WDR17: variants seen among roughly 807,000 people sequenced by gnomAD.
The protein encoded by WDR17 is WD repeat domain 17, also known as WD repeat-containing protein 17.
In WDR17, 143 loss-of-function variants were observed where a neutral mutation model predicts 161.7. That is an observed-to-expected ratio of 0.88 (90% CI 0.77 to 1.02). WDR17 has a LOEUF of 1.02. Ranked by LOEUF, WDR17 falls within the 50% of genes least tolerant of loss-of-function variation. WDR17 has a pLI of 0.00. For synonymous variants in WDR17, 517 were observed against 515.6 expected, an observed-to-expected ratio of 1.00 and a Z score of -0.04; for missense variants, 1,469 against 1,520.9, an observed-to-expected ratio of 0.97 and a Z score of 0.57.
Position 176,122,658 on chromosome 4 carries a change from T to C in WDR17, c.539-2446T>C, listed in dbSNP as rs139583696. Reference sequence around the variant, plus strand: ...TACTTTTCATGAGTTGTTAACCTTATCTTCTTGATGACTTACTGGCACCAC... The same window carrying C: ...TACTTTTCATGAGTTGTTAACCTTACCTTCTTGATGACTTACTGGCACCAC... On this transcript the variant is annotated intron_variant, in intron 4 of 28. Coordinates refer to ENST00000508596, the MANE Select transcript of WDR17 (RefSeq NM_181265.4). 4.1e-4 allele frequency among the ~76,000 whole-genome samples: 63 copies of C among 152,312 alleles called. No homozygotes were observed. In the East Asian group the frequency reaches 9.1e-3, roughly 22 times the overall value.
intron 27 of WDR17, 68 bp downstream of exon 27, chr4:176,177,224 G>A (rs1212873316): frequency 3.8e-5 from 51 of 1,355,630 alleles, no homozygotes; most frequent in Non-Finnish European, 4.2e-6. Context: ...CTTGTTGGAA[G>A]TATGTGTGGT....
intron 1 of WDR17, among the ~76,000 whole-genome samples, chr4:176,093,063 A>C (rs574469658): frequency 6.6e-6 from 1 of 152,120 alleles, no homozygotes; most frequent in South Asian, 2.1e-4. Context: ...GAAAGAAAAG[A>C]AAAGAAATCA....
intron 22 of WDR17, among the ~76,000 whole-genome samples, chr4:176,166,976 G>T (rs1471682529): frequency 6.6e-6 from 1 of 152,044 alleles, no homozygotes; most frequent in Non-Finnish European, 1.5e-5. Flanking sequence ...AATATTTTAT[G>T]TAAAAAACTT....
rs1413480915 is a variant in WDR17 at position 176,110,151 on chromosome 4, A to AT, written c.-6-1416dup. Among the ~76,000 whole-genome samples, 15 of 151,418 alleles carry AT rather than the reference A, an allele frequency of 9.9e-5. No individual in the cohort carries two copies. In the South Asian group the frequency reaches 1.3e-3, roughly 13 times the overall value. On this transcript the variant is annotated intron_variant, in intron 1 of 28. Transcript: ENST00000508596. ...CTTTATTTTTTATTTATTTATTTTT[A>AT]TTTTTTTTGAGACAGAGTCTCGCTC...
chr4:176,166,254 C>T (rs1312081079), intron 22 of WDR17: 1 of 348,590 alleles, frequency 2.9e-6, no homozygotes, highest in Admixed American at 5.3e-5. Flanking sequence ...ACTATTTTCA[C>T]ATTATTTTAT....
chr4:176,138,191 A>C (rs1254915904), intron 9 of WDR17, among the ~76,000 whole-genome samples: 1 of 151,716 alleles, frequency 6.6e-6, no homozygotes, highest in Non-Finnish European at 1.5e-5. Flanking sequence ...TGAGTACAAA[A>C]TATTAGGTAT....
At chr4:176,070,121 T>C (rs1437420949) in intron 1 of WDR17, among the ~76,000 whole-genome samples, 1 of 152,220 alleles carries the variant, frequency 6.6e-6, no homozygotes, top group Admixed American at 6.5e-5. Context: ...AGCTGGCTTA[T>C]GTTCTACTTC....
intron 25 of WDR17, 62 bp from the exon 26 acceptor site, chr4:176,174,555 T>A: frequency 7.6e-6 from 9 of 1,185,814 alleles, no homozygotes; most frequent in Non-Finnish European, 9.7e-6. Flanking sequence ...GAACTGTGTA[T>A]CAGAGTAATG....
chr4:176,073,465 T>C (rs1169036986), intron 1 of WDR17, among the ~76,000 whole-genome samples: 2 of 151,572 alleles, frequency 1.3e-5, no homozygotes, highest in Non-Finnish European at 3.0e-5. Flanking sequence ...TAGTATTTCA[T>C]GGTGTATATG....
At chr4:176,169,551 C>T (rs1198199463) in intron 23 of WDR17, among the ~76,000 whole-genome samples, 1 of 152,066 alleles carries the variant, frequency 6.6e-6, no homozygotes, top group Non-Finnish European at 1.5e-5. Flanking sequence ...TAGGAAGATA[C>T]AGTTTCTTTT....
chr4:176,104,363 A>G (rs10024191), intron 1 of WDR17, among the ~76,000 whole-genome samples: 4,586 of 152,222 alleles, frequency 0.03, 190 homozygotes, highest in African/African-American at 0.096. Flanking sequence ...ATGGACAATT[A>G]TAAGTGCTAG....
chr4:176,172,459 T>A lies in WDR17; in HGVS notation c.3187T>A (p.Tyr1063Asn). The A allele has an allele frequency of 6.2e-7, 1 of 1,611,118 alleles. No individual in the cohort carries two copies. The highest frequency in any genetic ancestry group is 8.5e-7 in the Non-Finnish European group (1 of 1,179,160). The change falls in exon 24 of 29, where the codon TAC becomes AAC. Residue 1063 changes from tyrosine to asparagine, a missense_variant. Tyr to Asn is a moderately radical substitution (Grantham distance 143, BLOSUM62 -2). Coordinates refer to ENST00000508596, the MANE Select transcript of WDR17 (RefSeq NM_181265.4). ...CAATATATTTGAAACTGTAAAATAT[T>A]ACTTGTTAAGTCAAGAACCTGAAAA... ...DDNIFETVKYYLLSQEPEKAL... is the reference protein window; with the variant it reads ...DDNIFETVKYNLLSQEPEKAL...
intron 1 of WDR17, among the ~76,000 whole-genome samples, chr4:176,105,899 A>T (rs1232032552): frequency 6.6e-6 from 1 of 152,086 alleles, no homozygotes; most frequent in African/African-American, 2.4e-5. Context: ...AAAAATAGAG[A>T]AAAAGATCAA....
chr4:176,108,223 G>A (rs7356169), intron 1 of WDR17, among the ~76,000 whole-genome samples: 140,867 of 152,210 alleles, frequency 0.93, 66,097 homozygotes, highest in East Asian at 1. Flanking sequence ...ATTTTACCAC[G>A]ATAAGAAAAG....
chr4:176,117,987 T>C (rs949100381), intron 3 of WDR17, among the ~76,000 whole-genome samples: 1 of 152,180 alleles, frequency 6.6e-6, no homozygotes, highest in African/African-American at 2.4e-5. Flanking sequence ...GTTGTTGAAT[T>C]TGATCTTGCC....
At chr4:176,172,293 G>C in intron 23 of WDR17, 82 bp from the exon 24 acceptor site, 1 of 1,281,886 alleles carries the variant, frequency 7.8e-7, no homozygotes, top group Non-Finnish European at 1.1e-6. Context: ...TACTAGGAAA[G>C]CTGAAAGTAT....
At chr4:176,068,972 T>C (rs1301650922) in intron 1 of WDR17, among the ~76,000 whole-genome samples, 2 of 152,194 alleles carry the variant, frequency 1.3e-5, no homozygotes, top group Non-Finnish European at 2.9e-5. Context: ...GTAGAAATAA[T>C]ATAAAATGAT....
intron 2 of WDR17, among the ~76,000 whole-genome samples, chr4:176,115,001 G>C (rs999214680): frequency 6.6e-6 from 1 of 151,926 alleles, no homozygotes; most frequent in Non-Finnish European, 1.5e-5. Context: ...AGATTCAATC[G>C]TGTAGAGATT....
intron 1 of WDR17, among the ~76,000 whole-genome samples, chr4:176,067,819 T>C (rs1732717482): frequency 6.6e-6 from 1 of 152,240 alleles, no homozygotes; most frequent in African/African-American, 2.4e-5. Flanking sequence ...GTTTTTTAAT[T>C]ACTTGGAGAA....
Sources: allele counts gnomAD v4.1 joint callset (sites outside exome capture counted in the v4.1 genomes callset), GRCh38; gene constraint gnomAD v4.1.1; transcripts MANE v1.5; gene names NCBI Gene and HGNC (gene_info 2026-07-23, HGNC 2026-07-21).